Variants in CSGALNACT2 observed in about 807,000 individuals in gnomAD.
The protein encoded by CSGALNACT2 is chondroitin sulfate N-acetylgalactosaminyltransferase 2.
A neutral mutation model predicts 55.3 loss-of-function variants in CSGALNACT2; 35 were observed. The observed-to-expected ratio is 0.63, with a 90% CI of 0.48 to 0.84. CSGALNACT2 has a LOEUF of 0.84. Ranked by LOEUF, CSGALNACT2 falls within the 40% of genes least tolerant of loss-of-function variation. CSGALNACT2 has a pLI of 0.00. For missense variants in CSGALNACT2, 544 were observed against 657.5 expected, an observed-to-expected ratio of 0.83 and a Z score of 1.89; for synonymous variants, 196 against 224.9, an observed-to-expected ratio of 0.87 and a Z score of 1.15.
At chr10:43,176,150 T>TA in intron 7 of CSGALNACT2, 118 bp downstream of exon 7, 1 of 685,740 alleles carries the variant, frequency 1.5e-6, no homozygotes, top group Non-Finnish European at 2.3e-6. Flanking sequence ...TAAGGTTAGC[T>TA]AAAAAGAGAA....
Position 43,184,500 on chromosome 10 carries a change from TTTGTATTTGC to T in CSGALNACT2, c.*959_*968del, listed in dbSNP as rs1839657505. The T allele has an allele frequency of 2.6e-5, 4 of 152,242 alleles. No homozygotes were observed. The highest frequency in any genetic ancestry group is 9.6e-5 in the African/African-American group (4 of 41,462). 9.4% of individuals were successfully genotyped at this position (152,242 alleles called of 1,614,324 possible). The stretch of plus-strand genomic sequence containing the variant: ...TTCTAATATATTAATATATGCTACA[TTTGTATTTGC>T]ATTACTATAATACTTTGAGTTGAAA... On this transcript the variant is annotated 3_prime_UTR_variant, in exon 8 of 8. Coordinates refer to ENST00000374466, the MANE Select transcript of CSGALNACT2 (RefSeq NM_018590.5).
At chr10:43,168,545 A>G (rs1564518268) in intron 6 of CSGALNACT2, among the ~76,000 whole-genome samples, 1 of 152,158 alleles carries the variant, frequency 6.6e-6, no homozygotes, top group Non-Finnish European at 1.5e-5. Context: ...GTATATAAAT[A>G]CAATGTTTTA....
At chr10:43,156,782 C>T (rs7910648) in intron 2 of CSGALNACT2, among the ~76,000 whole-genome samples, 26,438 of 152,264 alleles carry the variant, frequency 0.17, 2,531 homozygotes, top group Admixed American at 0.25. Context: ...GCCACTGATC[C>T]GACAGGAGGC....
At chr10:43,164,676 G>A (rs752041676) in intron 5 of CSGALNACT2, among the ~76,000 whole-genome samples, 6 of 151,768 alleles carry the variant, frequency 4.0e-5, no homozygotes, top group South Asian at 4.2e-4. Context: ...GTGAAATCCC[G>A]TCTCTACTAA....
At chr10:43,165,206 C>G (rs1336757438) in intron 5 of CSGALNACT2, among the ~76,000 whole-genome samples, 1 of 151,872 alleles carries the variant, frequency 6.6e-6, no homozygotes, top group Non-Finnish European at 1.5e-5. Context: ...GCCTGGGCGA[C>G]AGGGCGACAT....
chr10:43,144,368 T>TA (rs1188400556), intron 1 of CSGALNACT2, among the ~76,000 whole-genome samples: 2 of 152,226 alleles, frequency 1.3e-5, no homozygotes, highest in South Asian at 4.1e-4. Context: ...AAGGGACCAG[T>TA]GCTGTAGCAT....
chr10:43,178,969 C>A (rs1839536615), intron 7 of CSGALNACT2, among the ~76,000 whole-genome samples: 1 of 152,032 alleles, frequency 6.6e-6, no homozygotes. Flanking sequence ...TATCCAAGTT[C>A]TCTGATTGTT....
chr10:43,158,026 TAA>T (rs770700775), intron 2 of CSGALNACT2, among the ~76,000 whole-genome samples: 21 of 99,426 alleles, frequency 2.1e-4, no homozygotes, highest in East Asian at 1.1e-3. Flanking sequence ...AGACTCCGTC[TAA>T]AAAAAAAAAA....
At chr10:43,150,142 T>C (rs1286855519) in intron 1 of CSGALNACT2, among the ~76,000 whole-genome samples, 2 of 152,220 alleles carry the variant, frequency 1.3e-5, no homozygotes, top group African/African-American at 4.8e-5. Context: ...GGACTTTTCA[T>C]TGTGAGTAGT....
chr10:43,182,582 C>T (rs1327204471), intron 7 of CSGALNACT2, among the ~76,000 whole-genome samples: 7 of 151,996 alleles, frequency 4.6e-5, no homozygotes. Context: ...GCGTGTGTCT[C>T]AAAGGACAGA....
Position 43,155,797 on chromosome 10 carries a change from T to C in CSGALNACT2, c.648T>C (p.Asn216=). The change falls in exon 2 of 8, where the codon AAT becomes AAC. Residue 216 remains asparagine (N), a synonymous_variant. Transcript: ENST00000374466. ...PLGEKLIFNE[N]DFVEGYYRTE... is the part of the protein sequence containing the mutation. ...GAGAGAAACTGATATTTAATGAAAA[T>C]GACTTCGTAGAAGGTAATGTGAAAA... The C allele has an allele frequency of 6.2e-7, 1 of 1,607,984 alleles. No homozygotes were observed. Among genetic ancestry groups the C allele is most frequent in the Non-Finnish European group, 8.5e-7 (1 of 1,177,216 alleles).
rs1304623615 is a variant in CSGALNACT2, at chr10:43,175,850, G to A, written c.1255-101G>A. ...TCCTTAATCAGTCACATAAATGACA[G>A]GAAAAAAGTATACATTAGAAAATAA... On this transcript the variant is annotated intron_variant, in intron 6 of 7. Transcript: ENST00000374466. 7.9e-6 allele frequency: 8 copies of A among 1,014,684 alleles called. 1 individual carries two copies. Among genetic ancestry groups the A allele is most frequent in the Non-Finnish European group, 1.2e-5 (8 of 670,420 alleles). The allele number at this position is 1,014,684 out of a possible 1,614,324, so 62.9% of individuals were successfully genotyped here.
At chr10:43,153,139 G>A (rs899218211) in intron 1 of CSGALNACT2, among the ~76,000 whole-genome samples, 5 of 151,916 alleles carry the variant, frequency 3.3e-5, no homozygotes, top group African/African-American at 1.2e-4. Flanking sequence ...CACGAGGTCA[G>A]GAGATGAGAC....
Position 43,179,290 on chromosome 10 carries a change from T to C in CSGALNACT2, c.1336+3258T>C, listed in dbSNP as rs1839544838. 2.0e-5 allele frequency among the ~76,000 whole-genome samples: 3 copies of C among 151,874 alleles called. No individual in the cohort carries two copies. In the South Asian group the frequency reaches 6.2e-4, roughly 32 times the overall value. On this transcript the variant is annotated intron_variant, in intron 7 of 7. Transcript: ENST00000374466. ...TAAGCGTATGTCACATCTTCTTGTTTCTTTGCATTCCTCATTATTTCTTTT... is the reference window on the plus strand; with the variant it reads ...TAAGCGTATGTCACATCTTCTTGTTCCTTTGCATTCCTCATTATTTCTTTT...
chr10:43,142,606 C>G (rs751758484), intron 1 of CSGALNACT2, among the ~76,000 whole-genome samples: 3 of 152,226 alleles, frequency 2.0e-5, no homozygotes, highest in Non-Finnish European at 4.4e-5. Flanking sequence ...CAACTATACT[C>G]ATTCACTTAC....
intron 2 of CSGALNACT2, among the ~76,000 whole-genome samples, chr10:43,156,971 T>C (rs532048911): frequency 6.2e-4 from 94 of 152,330 alleles, no homozygotes; most frequent in Middle Eastern, 6.8e-3. Flanking sequence ...TGCTGCACTG[T>C]AGCATTATTA....
chr10:43,145,115 T>C (rs924950106), intron 1 of CSGALNACT2, among the ~76,000 whole-genome samples: 1 of 152,210 alleles, frequency 6.6e-6, no homozygotes, highest in African/African-American at 2.4e-5. Context: ...AACATTTGTG[T>C]ACAAGTTTTG....
Position 43,155,130 on chromosome 10 carries a change from G to A in CSGALNACT2, c.-20G>A. On this transcript the variant is annotated 5_prime_UTR_variant, in exon 2 of 8. Coordinates refer to ENST00000374466, the MANE Select transcript of CSGALNACT2 (RefSeq NM_018590.5). ...ACACACAAAGAGCTTATTTTGTTAG[G>A]CAAATACACATTAATAAGAATGCCT... 6.3e-7 allele frequency: 1 copy of A among 1,593,974 alleles called. No individual in the cohort carries two copies. The highest frequency in any genetic ancestry group is 8.6e-7 in the Non-Finnish European group (1 of 1,164,526).
At chr10:43,168,103 A>C (rs1229774499) in intron 6 of CSGALNACT2, among the ~76,000 whole-genome samples, 3 of 152,230 alleles carry the variant, frequency 2.0e-5, no homozygotes, top group African/African-American at 4.8e-5. Flanking sequence ...GAAAGATTTG[A>C]GAATTTATAA....
Sources: allele counts gnomAD v4.1 joint callset (sites outside exome capture counted in the v4.1 genomes callset), GRCh38; gene constraint gnomAD v4.1.1; transcripts MANE v1.5; gene names NCBI Gene and HGNC (gene_info 2026-07-23, HGNC 2026-07-21).